The following FOXN1 variants were observed in gnomAD, a reference collection of about 807,000 sequenced individuals.
FOXN1 encodes the protein forkhead box protein N1.
FOXN1 carries 15 observed loss-of-function variants against 49.0 expected under a neutral mutation model. The ratio of observed to expected loss-of-function variants is 0.31; its 90% CI spans 0.20 to 0.47. FOXN1 has a LOEUF of 0.47. FOXN1 is among the 20% of genes least tolerant of loss of function. The probability of loss-of-function intolerance (pLI) is 1.00; values close to 1 mark genes in which losing one functional copy is unlikely to be tolerated. For synonymous variants in FOXN1, 356 were observed against 369.0 expected (o/e 0.96, Z 0.40); for missense variants, 800 against 842.8 (o/e 0.95, Z 0.63).
At chr17:28,508,732 C>T (rs2069322378) in intron 1 of FOXN1, among the ~76,000 whole-genome samples, 1 of 152,158 alleles carries the variant, frequency 6.6e-6, no homozygotes, top group Non-Finnish European at 1.5e-5. Context: ...CTCTCTGACT[C>T]CACATTCTGA....
intron 6 of FOXN1, among the ~76,000 whole-genome samples, chr17:28,533,456 TA>T (rs925325001): frequency 1.3e-5 from 2 of 150,132 alleles, no homozygotes; most frequent in Non-Finnish European, 3.0e-5. Flanking sequence ...CCAGGCCTCC[TA>T]ATGGGTGTTT....
In FOXN1 at chr17:28,527,392, C is replaced by T. The variant is rs780747628; in HGVS notation, c.699+31C>T. 8 of 1,287,744 alleles carry T rather than the reference C, an allele frequency of 6.2e-6. No individual in the cohort carries two copies. The South Asian group carries it at 7.2e-5, about 12-fold the overall frequency. The allele number at this position is 1,287,744 out of a possible 1,614,324, so 79.8% of individuals were successfully genotyped here. On this transcript the variant is annotated intron_variant, in intron 4 of 8. Transcript: ENST00000579795. ...TCTGGGGCAAGTGGGCCTGCTTCCC[C>T]CAGGTCTGAGGATATCGTGTGTGTG... is the stretch of plus-strand genomic sequence containing the variant.
intron 1 of FOXN1, among the ~76,000 whole-genome samples, chr17:28,509,136 G>A (rs1236005163): frequency 2.0e-5 from 3 of 152,018 alleles, no homozygotes; most frequent in East Asian, 1.9e-4. Flanking sequence ...CCAGAAGCAC[G>A]AACCACATGG....
chr17:28,526,731 C>T (rs1031394226), intron 3 of FOXN1, among the ~76,000 whole-genome samples: 4 of 152,166 alleles, frequency 2.6e-5, no homozygotes, highest in Admixed American at 2.0e-4. Context: ...CCTGCTGGAG[C>T]TTCCTGGGGC....
At chr17:28,532,619 C>T (rs569320612) in intron 6 of FOXN1, among the ~76,000 whole-genome samples, 6 of 152,370 alleles carry the variant, frequency 3.9e-5, no homozygotes, top group Non-Finnish European at 8.8e-5. Flanking sequence ...AGATCCCCCA[C>T]CTCTTTCCAT....
intron 1 of FOXN1, among the ~76,000 whole-genome samples, chr17:28,514,500 G>A (rs777934393): frequency 3.3e-5 from 5 of 152,208 alleles, no homozygotes; most frequent in Middle Eastern, 3.4e-3. Flanking sequence ...CCCAGACCCC[G>A]AGTTTCCTTG....
At chr17:28,513,369 TCA>T (rs1350188498) in intron 1 of FOXN1, among the ~76,000 whole-genome samples, 1 of 152,178 alleles carries the variant, frequency 6.6e-6, no homozygotes, top group Non-Finnish European at 1.5e-5. Flanking sequence ...CTACAGATAC[TCA>T]CAGAAATAAA....
chr17:28,526,715 A>G (rs1029025245), intron 3 of FOXN1, among the ~76,000 whole-genome samples: 1 of 152,188 alleles, frequency 6.6e-6, no homozygotes, highest in African/African-American at 2.4e-5. Flanking sequence ...AGCCCCATTC[A>G]GAGATCCTGC....
At chr17:28,514,676 G>A (rs1039996508) in intron 1 of FOXN1, among the ~76,000 whole-genome samples, 10 of 152,074 alleles carry the variant, frequency 6.6e-5, no homozygotes, top group South Asian at 4.1e-4. Context: ...ACATGCTGCC[G>A]CAGCCAGCAA....
At position 28,537,229 on chromosome 17, in the gene FOXN1, C is replaced by T. The variant is rs780295141; in HGVS notation, c.1740C>T (p.Cys580=). 3.8e-5 allele frequency: 61 copies of T among 1,613,848 alleles called. No homozygotes were observed. In the South Asian group the frequency reaches 6.3e-4, roughly 17 times the overall value. ...SMPPPQPPPH[C]FPPGPCLTET... is the part of the protein sequence containing the mutation. ...CACCACCCCAGCCACCACCTCACTG[C>T]TTCCCCCCTGGGCCCTGTCTGACAG... Residue 580 remains cysteine (C), a synonymous_variant, in exon 9 of 9, where the codon TGC becomes TGT. Transcript: ENST00000579795.
At chr17:28,529,510 G>A (rs2069855957) in intron 5 of FOXN1, among the ~76,000 whole-genome samples, 1 of 152,278 alleles carries the variant, frequency 6.6e-6, no homozygotes, top group Non-Finnish European at 1.5e-5. Flanking sequence ...CTAGGGCCCA[G>A]GGCCTGGATC....
chr17:28,519,523 A>C (rs1327628739), intron 1 of FOXN1, among the ~76,000 whole-genome samples: 1 of 152,126 alleles, frequency 6.6e-6, no homozygotes, highest in African/African-American at 2.4e-5. Flanking sequence ...GAATCTGAGA[A>C]GGCAGGAGAG....
chr17:28,513,724 G>C (rs944040066), intron 1 of FOXN1, among the ~76,000 whole-genome samples: 1 of 152,252 alleles, frequency 6.6e-6, no homozygotes, highest in Non-Finnish European at 1.5e-5. Flanking sequence ...CTCCTGGGGA[G>C]CTGCAGGCTG....
At chr17:28,536,321 T>C (rs2070063668) in intron 8 of FOXN1, among the ~76,000 whole-genome samples, 1 of 152,222 alleles carries the variant, frequency 6.6e-6, no homozygotes, top group Admixed American at 6.5e-5. Flanking sequence ...AAACATTTAC[T>C]TGATCCCCTG....
chr17:28,511,279 G>T (rs2069391420), intron 1 of FOXN1, among the ~76,000 whole-genome samples: 1 of 152,188 alleles, frequency 6.6e-6, no homozygotes, highest in African/African-American at 2.4e-5. Flanking sequence ...TATTAGTAGT[G>T]GTGGCAGAAT....
rs762109233 is a variant in FOXN1, at chr17:28,534,875, G to A, written c.1304G>A (p.Gly435Asp). 6.8e-6 allele frequency: 11 copies of A among 1,614,078 alleles called. No individual in the cohort carries two copies. In the Admixed American group the frequency reaches 8.3e-5, roughly 12 times the overall value. Residue 435 changes from glycine to aspartate, a missense_variant, in exon 8 of 9, where the codon GGC (glycine) becomes GAC (aspartate). Gly to Asp is a moderately conservative substitution (Grantham distance 94, BLOSUM62 -1). Coordinates refer to ENST00000579795, the MANE Select transcript of FOXN1 (RefSeq NM_001369369.1). This position sits in a 1 kb window ranked among gnomAD's most constrained non-coding sequence, Gnocchi z 4.1. ...SLHPAPGPIP[G>D]KNPLQDLLMG... ...CACCCAGCTCCAGGCCCCATTCCTG[G>A]CAAGAACCCCCTGCAGGACCTACTT...
chr17:28,514,949 G>A (rs938768430), intron 1 of FOXN1, among the ~76,000 whole-genome samples: 5 of 152,146 alleles, frequency 3.3e-5, no homozygotes, highest in East Asian at 3.8e-4. Flanking sequence ...GCCGTGTAGC[G>A]TAATGGTTCA....
intron 1 of FOXN1, among the ~76,000 whole-genome samples, chr17:28,518,104 C>T (rs1358851216): frequency 6.6e-6 from 1 of 152,004 alleles, no homozygotes; most frequent in Admixed American, 6.5e-5. Context: ...CCACAGGGTA[C>T]ACACCTCCAC....
chr17:28,515,185 G>A (rs1199844746), intron 1 of FOXN1, among the ~76,000 whole-genome samples: 1 of 152,010 alleles, frequency 6.6e-6, no homozygotes, highest in Non-Finnish European at 1.5e-5. Flanking sequence ...GGAGGGGTGA[G>A]GTCCCTGCTG....
Sources: allele counts gnomAD v4.1 joint callset (sites outside exome capture counted in the v4.1 genomes callset), GRCh38; gene constraint gnomAD v4.1.1; non-coding constraint Gnocchi (gnomAD v3.1); transcripts MANE v1.5; gene names NCBI Gene and HGNC (gene_info 2026-07-23, HGNC 2026-07-21).